The following COL4A5 variants were observed in gnomAD, a reference collection of about 807,000 sequenced individuals.
COL4A5 encodes the protein collagen alpha-5(IV) chain.
A neutral mutation model predicts 130.2 loss-of-function variants in COL4A5; 26 were observed. The observed-to-expected ratio is 0.20, with a 90% CI of 0.15 to 0.28. The LOEUF is 0.28. Among genes scored for constraint, COL4A5 ranks in the 10% least tolerant of loss-of-function variants. The pLI is 1.00. For missense variants in COL4A5, 1,131 were observed against 1,344.3 expected, an observed-to-expected ratio of 0.84 and a Z score of 2.48; for synonymous variants, 496 against 439.6, an observed-to-expected ratio of 1.13 and a Z score of -1.60.
chrX:108,545,571 G>GA (rs780507383), intron 2 of COL4A5, among the ~76,000 whole-genome samples: 16 of 111,758 alleles, frequency 1.4e-4, no homozygotes, highest in Non-Finnish European at 2.4e-4. Flanking sequence ...GTGCTGAGAA[G>GA]AATGTATATT....
At chrX:108,510,945 A>G (rs1569479421) in intron 1 of COL4A5, among the ~76,000 whole-genome samples, 1 of 111,523 alleles carries the variant, frequency 9.0e-6, no homozygotes, top group Non-Finnish European at 1.9e-5. Flanking sequence ...TAACTAGCAT[A>G]TCTATCATCT....
At position 108,539,800 on chromosome X, in the gene COL4A5, G is replaced by A. The variant is rs762399773; in HGVS notation, c.136G>A (p.Glu46Lys). The A allele has an allele frequency of 9.2e-6, 11 of 1,198,579 alleles. No homozygotes were observed. Among genetic ancestry groups the A allele is most frequent in the South Asian group, 8.8e-5 (5 of 56,516 alleles). Reference protein sequence around the residue: ...SKCDCSGIKGEKGERGFPGLE... With the variant: ...SKCDCSGIKGKKGERGFPGLE... ...GTGTGACTGCAGTGGCATAAAAGGG[G>A]AAAAGGTGAGGTCTTAGATTGGCAT... The change falls in exon 2 of 53, where the codon GAA (glutamate) becomes AAA (lysine). Residue 46 changes from glutamate (E) to lysine (K), a missense_variant. Coordinates refer to ENST00000328300, the MANE Select transcript of COL4A5 (RefSeq NM_033380.3).
chrX:108,566,300 T>C (rs1246902132), intron 4 of COL4A5, among the ~76,000 whole-genome samples: 1 of 110,519 alleles, frequency 9.0e-6, no homozygotes, highest in Non-Finnish European at 1.9e-5. Context: ...TTAGTCATTT[T>C]TTTGAAGGCC....
chrX:108,659,071 C>T (rs1460320838), intron 37 of COL4A5, among the ~76,000 whole-genome samples: 1 of 110,911 alleles, frequency 9.0e-6, no homozygotes, highest in Non-Finnish European at 1.9e-5. Flanking sequence ...AACCATATCC[C>T]AGAAATTTTG....
intron 1 of COL4A5, among the ~76,000 whole-genome samples, chrX:108,473,633 A>ATATATATATTTTTTTTTT: frequency 5.8e-5 from 2 of 34,562 alleles, no homozygotes; most frequent in African/African-American, 1.1e-4. Context: ...ATATATATAT[A>ATATATATATTTTTTTTTT]TTTTTTTTTT....
At chrX:108,685,923 A>G in intron 47 of COL4A5, 108 bp from the exon 48 acceptor site, 4 of 673,980 alleles carry the variant, frequency 5.9e-6, no homozygotes, top group East Asian at 3.5e-5. Flanking sequence ...TGGATTTAAG[A>G]CAAAACCAAA....
intron 36 of COL4A5, among the ~76,000 whole-genome samples, chrX:108,637,931 T>C (rs192668090): frequency 9.2e-6 from 1 of 109,210 alleles, no homozygotes; most frequent in African/African-American, 3.3e-5. Context: ...TACGGCTCAC[T>C]GCAGCCTTGT....
intron 13 of COL4A5, 24 bp downstream of exon 13, chrX:108,578,407 A>G (rs763865572): frequency 1.9e-6 from 2 of 1,069,967 alleles, no homozygotes; most frequent in Admixed American, 2.2e-5. Context: ...GAGGAAGTCA[A>G]TGAAAATCTT....
intron 36 of COL4A5, among the ~76,000 whole-genome samples, chrX:108,643,537 T>C (rs1256718629): frequency 9.0e-6 from 1 of 111,701 alleles, no homozygotes. Context: ...CCCTACAAGC[T>C]TGAAGGGATT....
chrX:108,457,639 G>C (rs1311664057), intron 1 of COL4A5, among the ~76,000 whole-genome samples: 1 of 111,156 alleles, frequency 9.0e-6, no homozygotes, highest in Non-Finnish European at 1.9e-5. Flanking sequence ...TATGAGTTTT[G>C]ATAAAAGCAT....
At chrX:108,664,043 G>T (rs760009525) in intron 37 of COL4A5, among the ~76,000 whole-genome samples, 43 of 111,347 alleles carry the variant, frequency 3.9e-4, no homozygotes, top group African/African-American at 1.4e-3. Flanking sequence ...AAATTAGCCG[G>T]GCATGGTGGC....
chrX:108,681,319 G>A (rs986031778), intron 46 of COL4A5, among the ~76,000 whole-genome samples: 3 of 110,040 alleles, frequency 2.7e-5, no homozygotes, highest in Non-Finnish European at 5.7e-5. Flanking sequence ...GCTTATAGAG[G>A]TTTCTTATAA....
At chrX:108,570,958 T>C (rs1208415531) in intron 6 of COL4A5, among the ~76,000 whole-genome samples, 1 of 112,115 alleles carries the variant, frequency 8.9e-6, no homozygotes, top group African/African-American at 3.2e-5. Flanking sequence ...ATTATTGTCC[T>C]CTTGGTGATA....
chrX:108,449,883 T>C (rs927743342), intron 1 of COL4A5, among the ~76,000 whole-genome samples: 6 of 112,081 alleles, frequency 5.4e-5, no homozygotes. Context: ...TTTTAAAACA[T>C]ATGAATTTTT....
At chrX:108,684,454 A>G (rs1002283967) in intron 47 of COL4A5, among the ~76,000 whole-genome samples, 1 of 112,265 alleles carries the variant, frequency 8.9e-6, no homozygotes, top group East Asian at 2.8e-4. Context: ...ACAAACTACC[A>G]TCAGAGAATA....
chrX:108,441,133 T>C, intron 1 of COL4A5, among the ~76,000 whole-genome samples: 1 of 106,470 alleles, frequency 9.4e-6, no homozygotes, highest in East Asian at 3.0e-4. Flanking sequence ...CTATTGGGGA[T>C]GAGGGCCAGA....
At chrX:108,573,747 T>G in intron 9 of COL4A5, 93 bp downstream of exon 9, 1 of 636,139 alleles carries the variant, frequency 1.6e-6, no homozygotes, top group Non-Finnish European at 2.6e-6. Flanking sequence ...GTTTTTGTCA[T>G]AAAAATTATC....
At position 108,693,939 on chromosome X, in the gene COL4A5, G is replaced by A. The variant is rs1053819258; in HGVS notation, c.4707-868G>A. Reference sequence around the variant, plus strand: ...AAAGGATGAATTGCTGGAAATTCTCGTTCCTTTGATAGTAAATATAAAGAT... The same window carrying A: ...AAAGGATGAATTGCTGGAAATTCTCATTCCTTTGATAGTAAATATAAAGAT... On this transcript the variant is annotated intron_variant, in intron 50 of 52. Transcript: ENST00000328300. 32 of 110,945 alleles carry A rather than the reference G, an allele frequency of 2.9e-4. 1 individual carries two copies. The highest frequency in any genetic ancestry group is 8.8e-4 in the African/African-American group (27 of 30,523). The allele number at this position is 110,945 out of a possible 1,213,427, so 9.1% of individuals were successfully genotyped here.
At chrX:108,566,869 A>G (rs1034698097) in intron 4 of COL4A5, among the ~76,000 whole-genome samples, 10 of 111,839 alleles carry the variant, frequency 8.9e-5, no homozygotes, top group African/African-American at 3.3e-4. Flanking sequence ...CTCAGTGGAA[A>G]TATGTATTTT....
Sources: gnomAD v4.1 joint callset for allele counts (sites outside exome capture counted in the v4.1 genomes callset) on GRCh38, gnomAD v4.1.1 for gene constraint, MANE v1.5 for transcripts, NCBI Gene and HGNC (gene_info 2026-07-23, HGNC 2026-07-21) for gene names.